The following CMIP variants were observed in gnomAD, a reference collection of about 807,000 sequenced individuals.
CMIP encodes C-Maf-inducing protein.
Under a neutral mutation model 97.3 loss-of-function variants are expected in CMIP, and 13 were observed. That is an observed-to-expected ratio of 0.13 (90% CI 0.09 to 0.21). The LOEUF is 0.21. Among genes scored for constraint, CMIP ranks in the 10% least tolerant of loss-of-function variants. The pLI is 1.00. For missense variants in CMIP, 847 were observed against 1,024.9 expected (o/e 0.83, Z 2.37); for synonymous variants, 538 against 436.3 (o/e 1.23, Z -2.91).
Position 81,707,812 on chromosome 16 carries a change from C to G in CMIP, c.2268+728C>G, listed in dbSNP as rs557601787. On this transcript the variant is annotated intron_variant, in intron 20 of 20. Transcript: ENST00000537098. The stretch of plus-strand genomic sequence containing the variant: ...GCTGCCCCAGAAGGAGCGGGCGGGA[C>G]TGGCAGAGGGCCAGCATCCTGGGAG... Among the ~76,000 whole-genome samples, 35 of 152,380 alleles carry G rather than the reference C, an allele frequency of 2.3e-4. No homozygotes were observed. In the South Asian group the frequency reaches 7.0e-3, roughly 31 times the overall value.
chr16:81,621,917 G>A lies in CMIP; in HGVS notation c.477+991G>A, dbSNP rs979694217. ...GAGGGCCACTCCCCTCCTTTCCTCT[G>A]TCAGCTACTGGTCCTCTTGCTTTGT... On this transcript the variant is annotated intron_variant, in intron 3 of 20. Transcript: ENST00000537098. The surrounding 1 kb of genome is among the most constrained non-coding windows in gnomAD (Gnocchi z 4.1). The A allele has an allele frequency of 5.9e-5, 9 of 152,222 alleles. No homozygotes were observed. Among genetic ancestry groups the A allele is most frequent in the African/African-American group, 1.7e-4 (7 of 41,462 alleles). The allele number at this position is 152,222 out of a possible 1,614,324, so 9.4% of individuals were successfully genotyped here.
intron 1 of CMIP, among the ~76,000 whole-genome samples, chr16:81,556,389 A>C (rs188132671): frequency 3.3e-5 from 5 of 152,164 alleles, no homozygotes; most frequent in African/African-American, 1.2e-4. Context: ...ATTCTTCTGC[A>C]TATATAGCTA....
chr16:81,581,136 A>G (rs1010555500), intron 1 of CMIP, among the ~76,000 whole-genome samples: 9 of 151,944 alleles, frequency 5.9e-5, no homozygotes, highest in South Asian at 4.2e-4. Flanking sequence ...ATGATACTCC[A>G]TTGTCTGTAT....
intron 1 of CMIP, among the ~76,000 whole-genome samples, chr16:81,521,827 C>T (rs1038457192): frequency 6.6e-5 from 10 of 152,132 alleles, no homozygotes; most frequent in South Asian, 6.2e-4. Flanking sequence ...GGGAGTTGGC[C>T]GAGATTAGGG....
chr16:81,640,711 C>G (rs2092294389), intron 3 of CMIP, among the ~76,000 whole-genome samples: 1 of 150,366 alleles, frequency 6.7e-6, no homozygotes, highest in East Asian at 2.0e-4. Context: ...CAGGCTCTGC[C>G]TCCATACGTG....
intron 2 of CMIP, among the ~76,000 whole-genome samples, chr16:81,615,249 G>T: frequency 6.6e-6 from 1 of 151,282 alleles, no homozygotes; most frequent in South Asian, 2.1e-4. Context: ...GTGTCTGTGT[G>T]TGTGGTGTAT....
chr16:81,449,669 TCCC>T (rs11288143), intron 1 of CMIP, among the ~76,000 whole-genome samples: 3 of 144,788 alleles, frequency 2.1e-5, no homozygotes, highest in Non-Finnish European at 4.5e-5. Context: ...CACACAGATT[TCCC>T]CCCCCCCCTT....
rs1284758659 is a variant in CMIP, at chr16:81,620,565, T to C, written c.427-311T>C. On this transcript the variant is annotated intron_variant, in intron 2 of 20. Transcript: ENST00000537098. ...AACCAGTTCATCCCATTCCCTCCCA[T>C]GCCCCTAAGTCCAGCTGTGTGTGCA... is the stretch of plus-strand genomic sequence containing the variant. The C allele has an allele frequency of 2.3e-5, 7 of 303,920 alleles. No individual in the cohort carries two copies. The East Asian group carries it at 5.0e-4, about 22-fold the overall frequency. The allele number at this position is 303,920 out of a possible 1,614,324, so 18.8% of individuals were successfully genotyped here. A position where few individuals can be genotyped will look rare whatever the true frequency, so the allele number is the denominator to read the frequency against.
intron 1 of CMIP, among the ~76,000 whole-genome samples, chr16:81,576,361 G>A (rs1051776437): frequency 7.2e-5 from 11 of 152,054 alleles, no homozygotes; most frequent in African/African-American, 4.8e-5. Flanking sequence ...CTGAGATCAC[G>A]TCACTGAACT....
chr16:81,657,597 C>G (rs148803851), intron 4 of CMIP, among the ~76,000 whole-genome samples, 178 bp from the exon 5 acceptor site: 26 of 152,320 alleles, frequency 1.7e-4, no homozygotes, highest in East Asian at 1.9e-4. Flanking sequence ...ACCTTCTCCC[C>G]CTTCCCGACC....
chr16:81,669,718 A>C (rs1597224823), intron 7 of CMIP, among the ~76,000 whole-genome samples: 1 of 82,592 alleles, frequency 1.2e-5, no homozygotes, highest in Non-Finnish European at 2.4e-5. Context: ...TCCCATACCC[A>C]CCTCACACTC....
At position 81,693,421 on chromosome 16, in the gene CMIP, C is replaced by T; in HGVS notation, c.1482-18C>T. 2 of 1,608,476 alleles carry T rather than the reference C, an allele frequency of 1.2e-6. No individual in the cohort carries two copies. Among genetic ancestry groups the T allele is most frequent in the African/African-American group, 2.7e-5 (2 of 74,966 alleles). On this transcript the variant is annotated intron_variant, in intron 12 of 20. Coordinates refer to ENST00000537098, the MANE Select transcript of CMIP (RefSeq NM_198390.3). Reference sequence around the variant, plus strand: ...TTCCAGACCCCGGCAGTAACTCCGGCCGCCTCGTCTCTTCCAGGGAACTGA... The same window carrying T: ...TTCCAGACCCCGGCAGTAACTCCGGTCGCCTCGTCTCTTCCAGGGAACTGA...
Position 81,445,437 on chromosome 16 carries a change from C to A in CMIP, c.196C>A (p.Arg66=). The change falls in exon 1 of 21, where the codon CGG becomes AGG. Residue 66 remains arginine (R), a synonymous_variant. Coordinates refer to ENST00000537098, the MANE Select transcript of CMIP (RefSeq NM_198390.3). ...QEGDIQVCVI[R]HPRTFLSKIL... is the part of the protein sequence containing the mutation. ...GGGCGACATTCAGGTCTGTGTCATC[C>A]GGCACCCGCGGACCTTTCTCAGCAA... 2 of 1,587,462 alleles carry A rather than the reference C, an allele frequency of 1.3e-6. No homozygotes were observed. The highest frequency in any genetic ancestry group is 2.3e-5 in the East Asian group (1 of 43,386).
intron 1 of CMIP, among the ~76,000 whole-genome samples, chr16:81,549,290 C>G (rs544555262): frequency 6.6e-6 from 1 of 152,340 alleles, no homozygotes; most frequent in Admixed American, 6.5e-5. Flanking sequence ...CCTGGTTGAG[C>G]TGGTAAATCA....
intron 1 of CMIP, among the ~76,000 whole-genome samples, chr16:81,491,283 C>G (rs780512190): frequency 6.6e-6 from 1 of 152,162 alleles, no homozygotes; most frequent in Non-Finnish European, 1.5e-5. Flanking sequence ...CTGGGCCAGC[C>G]CTTGCCTTTT....
chr16:81,645,725 G>T, intron 3 of CMIP: 2 of 1,104,100 alleles, frequency 1.8e-6, no homozygotes, highest in Non-Finnish European at 2.6e-6. Context: ...GCTTGGGCTC[G>T]GATGTGGGGA....
At chr16:81,686,756 G>A (rs527386292) in intron 10 of CMIP, among the ~76,000 whole-genome samples, 2 of 152,166 alleles carry the variant, frequency 1.3e-5, no homozygotes, top group Admixed American at 6.5e-5. Flanking sequence ...GCCTGTTGTC[G>A]ATGGGAGTGA....
chr16:81,460,265 T>A (rs1256547698), intron 1 of CMIP, among the ~76,000 whole-genome samples: 3 of 152,164 alleles, frequency 2.0e-5, no homozygotes, highest in Non-Finnish European at 4.4e-5. Context: ...AGATGGAGGA[T>A]GGGAGGAGGG....
chr16:81,595,697 A>G (rs923333967), intron 1 of CMIP, among the ~76,000 whole-genome samples: 4 of 151,934 alleles, frequency 2.6e-5, no homozygotes, highest in African/African-American at 9.7e-5. Context: ...CCCGCATAAT[A>G]CTTTCAAGGT....
Sources: allele counts gnomAD v4.1 joint callset (sites outside exome capture counted in the v4.1 genomes callset), GRCh38; gene constraint gnomAD v4.1.1; non-coding constraint Gnocchi (gnomAD v3.1); transcripts MANE v1.5; gene names NCBI Gene and HGNC (gene_info 2026-07-23, HGNC 2026-07-21).